Variants in LRP4 observed in about 807,000 individuals in gnomAD.
The protein encoded by LRP4 is LDL receptor related protein 4.
In LRP4, 95 loss-of-function variants were observed where a neutral mutation model predicts 220.3. The ratio of observed to expected loss-of-function variants is 0.43; its 90% CI spans 0.37 to 0.51. The LOEUF (loss-of-function observed/expected upper bound fraction) is 0.51, where lower values mean the gene tolerates loss of function less well. Ranked by LOEUF, LRP4 falls within the 20% of genes least tolerant of loss-of-function variation. The probability of loss-of-function intolerance (pLI) is 0.00; values close to 1 mark genes in which losing one functional copy is unlikely to be tolerated. For missense variants in LRP4, 1,925 were observed against 2,567.0 expected, an observed-to-expected ratio of 0.75 and a Z score of 5.40; for synonymous variants, 903 against 954.6, an observed-to-expected ratio of 0.95 and a Z score of 1.00.
chr11:46,886,189 G>C lies in LRP4; in HGVS notation c.2425-17C>G. The stretch of plus-strand genomic sequence containing the variant: ...CACTACCACCTGGGCAGGAAGCAAA[G>C]CTGTATCACCAACTGTACTTCCACT... On this transcript the variant is annotated splice_polypyrimidine_tract_variant and intron_variant, in intron 17 of 37. Transcript: ENST00000378623. 1 of 1,611,308 alleles carries C rather than the reference G, an allele frequency of 6.2e-7. No individual in the cohort carries two copies. Among genetic ancestry groups the C allele is most frequent in the Non-Finnish European group, 8.5e-7 (1 of 1,177,520 alleles).
At chr11:46,909,199 A>G (rs1941812034) in intron 1 of LRP4, among the ~76,000 whole-genome samples, 1 of 152,110 alleles carries the variant, frequency 6.6e-6, no homozygotes, top group South Asian at 2.1e-4. Context: ...ACTCACAGCT[A>G]CAGACCAGCT....
chr11:46,896,130 G>A (rs373621982), intron 9 of LRP4, 80 bp downstream of exon 9: 2 of 1,610,438 alleles, frequency 1.2e-6, no homozygotes, highest in South Asian at 2.2e-5. Flanking sequence ...CAAGAGTCCT[G>A]AGGGAGGATT....
intron 7 of LRP4, 36 bp downstream of exon 7, chr11:46,898,522 A>G (rs780540025): frequency 3.1e-6 from 5 of 1,613,446 alleles, no homozygotes; most frequent in Non-Finnish European, 4.2e-6. Flanking sequence ...CCTTCTCCTT[A>G]GTTCAAGCCC....
intron 19 of LRP4, 126 bp from the exon 20 acceptor site, chr11:46,882,029 T>C (rs578185698): frequency 1.2e-6 from 1 of 852,506 alleles, no homozygotes; most frequent in African/African-American, 1.7e-5. Context: ...CCTGCATCAG[T>C]GTCCAGCCCA....
chr11:46,882,466 ACT>A (rs1365042985), intron 19 of LRP4, among the ~76,000 whole-genome samples: 4 of 150,770 alleles, frequency 2.7e-5, no homozygotes, highest in Non-Finnish European at 5.9e-5. Flanking sequence ...AACAAGTGAG[ACT>A]CTGTTTCAAA....
In LRP4 at chr11:46,877,296, G is replaced by A. The variant is rs1592525374; in HGVS notation, c.3180C>T (p.Arg1060=). 1.9e-6 allele frequency: 3 copies of A among 1,613,974 alleles called. No individual in the cohort carries two copies. Among genetic ancestry groups the A allele is most frequent in the Non-Finnish European group, 2.5e-6 (3 of 1,179,974 alleles). Residue 1060 remains arginine (R), a synonymous_variant, in exon 23 of 38, where the codon CGC becomes CGT. Coordinates refer to ENST00000378623, the MANE Select transcript of LRP4 (RefSeq NM_002334.4). The part of the protein sequence containing the change: ...FLIFARRIDI[R]MVSLDIPYFA... Reference sequence around the variant, plus strand: ...AATAAGGGATGTCCAGGGAGACCATGCGAATGTCTATCCTCCTGGCGAAGA... The same window carrying A: ...AATAAGGGATGTCCAGGGAGACCATACGAATGTCTATCCTCCTGGCGAAGA...
At chr11:46,903,374 G>T (rs1941704378) in intron 1 of LRP4, among the ~76,000 whole-genome samples, 1 of 152,134 alleles carries the variant, frequency 6.6e-6, no homozygotes, top group African/African-American at 2.4e-5. Context: ...TGTGCCTGTA[G>T]TCCCAGCTAC....
Position 46,918,233 on chromosome 11 carries a change from G to A in LRP4, c.52+95C>T. ...GCCACGGCTAGGAGCGAGGGCGAGG[G>A]GTCTCAGGCCCCGGCCCGCGCCGTC... On this transcript the variant is annotated intron_variant, in intron 1 of 37. Transcript: ENST00000378623. The surrounding 1 kb of genome is among the most constrained non-coding windows in gnomAD (Gnocchi z 6.0). 7.6e-7 allele frequency: 1 copy of A among 1,309,678 alleles called. No individual in the cohort carries two copies. Among genetic ancestry groups the A allele is most frequent in the Admixed American group, 2.1e-5 (1 of 47,630 alleles). 81.1% of individuals were successfully genotyped at this position (1,309,678 alleles called of 1,614,324 possible).
rs373523952 is a variant in LRP4, at chr11:46,894,749, G to A, written c.1380C>T (p.Tyr460=). ...TCTCCAGGTTGTTAAGCAGCAGTGT[G>A]TACTCAGAGCGGTGTGGCAGCACCT... is the stretch of plus-strand genomic sequence containing the variant. The part of the protein sequence containing the change: ...IRQVLPHRSE[Y]TLLLNNLENA... Residue 460 remains tyrosine (Y), a synonymous_variant, in exon 12 of 38, where the codon TAC becomes TAT. Transcript: ENST00000378623. 36 of 1,614,126 alleles carry A rather than the reference G, an allele frequency of 2.2e-5. No homozygotes were observed. The highest frequency in any genetic ancestry group is 2.9e-5 in the Non-Finnish European group (34 of 1,180,050).
intron 37 of LRP4, among the ~76,000 whole-genome samples, chr11:46,862,337 A>C (rs1167634600): frequency 6.6e-6 from 1 of 152,086 alleles, no homozygotes; most frequent in African/African-American, 2.4e-5. Flanking sequence ...TTGGAAAAAT[A>C]TCTCATGGCA....
In LRP4 at chr11:46,861,592, CACAGCTCACT is replaced by C. The variant is rs1940552553; in HGVS notation, c.5385+1004_5385+1013del. Among the ~76,000 whole-genome samples the C allele has an allele frequency of 4.7e-5, 6 of 126,936 alleles. No individual in the cohort carries two copies. The South Asian group carries it at 1.6e-3, about 34-fold the overall frequency. 83.3% of individuals were successfully genotyped at this position (126,936 alleles called of 152,430 possible). A position where few individuals can be genotyped will look rare whatever the true frequency, so the allele number is the denominator to read the frequency against. ...CCAGGCTGGAGGGTAGTGGCATGATCACAGCTCACTGCAGCCTCCAACTCCTGAGCTCAAG... is the reference window on the plus strand; with the variant it reads ...CCAGGCTGGAGGGTAGTGGCATGATCGCAGCCTCCAACTCCTGAGCTCAAG... On this transcript the variant is annotated intron_variant, in intron 37 of 37. Coordinates refer to ENST00000378623, the MANE Select transcript of LRP4 (RefSeq NM_002334.4).
intron 31 of LRP4, 55 bp downstream of exon 31, chr11:46,871,470 C>T: frequency 1.6e-6 from 2 of 1,228,860 alleles, no homozygotes; most frequent in African/African-American, 2.9e-5. Context: ...GACTTAGAAC[C>T]CCAAAGAAAC....
rs771377480 is a variant in LRP4, at chr11:46,899,953, C to T, written c.340G>A (p.Glu114Lys). The T allele has an allele frequency of 2.5e-6, 4 of 1,613,656 alleles. No individual in the cohort carries two copies. The highest frequency in any genetic ancestry group is 1.3e-5 in the African/African-American group (1 of 74,936). ...CAGTAGCCATTCTGGCAGGGAAACT[C>T]GTCCTCCTCACACTCCCGGGGGGCT... ...DCPPRECEEDEFPCQNGYCIR... is the reference protein window; with the variant it reads ...DCPPRECEEDKFPCQNGYCIR... The change falls in exon 4 of 38, where the codon GAG (glutamate) becomes AAG (lysine). Residue 114 changes from glutamate to lysine, a missense_variant. This residue lies in a region of LRP4 where 412 missense variants were observed against 505.4 expected (regional missense o/e 0.82). Transcript: ENST00000378623. This position sits in a 1 kb window ranked among gnomAD's most constrained non-coding sequence, Gnocchi z 5.9.
rs563729519 is a variant in LRP4 at position 46,883,785 on chromosome 11, CA to C, written c.2612+85del. The C allele has an allele frequency of 1.6e-4, 172 of 1,043,488 alleles. No homozygotes were observed. In the African/African-American group the frequency reaches 2.5e-3, roughly 15 times the overall value. The allele number at this position is 1,043,488 out of a possible 1,614,324, so 64.6% of individuals were successfully genotyped here. The stretch of plus-strand genomic sequence containing the variant: ...CTTGGGCATATCCATAAGATCTGGT[CA>C]CTCTTCCTAATCTTTAGACTCCTCT... On this transcript the variant is annotated intron_variant, in intron 19 of 37. Transcript: ENST00000378623.
rs1017046626 is a variant in LRP4, at chr11:46,876,549, G to T, written c.3453C>A (p.Gly1151=). 1.9e-6 allele frequency: 3 copies of T among 1,614,084 alleles called. No individual in the cohort carries two copies. Among genetic ancestry groups the T allele is most frequent in the Non-Finnish European group, 2.5e-6 (3 of 1,180,054 alleles). The change falls in exon 25 of 38, where the codon GGC becomes GGA. Residue 1151 remains glycine (G), a synonymous_variant. Transcript: ENST00000378623. ...CTTTCCGCATGGACCCGTCCAGGTTGCCCACTTCAATCCGGTTTGTTCCCG... is the reference window on the plus strand; with the variant it reads ...CTTTCCGCATGGACCCGTCCAGGTTTCCCACTTCAATCCGGTTTGTTCCCG... The part of the protein sequence containing the change: ...TDTGTNRIEV[G]NLDGSMRKVL...
In LRP4 at chr11:46,894,619, C is replaced by T. The variant is rs760105990; in HGVS notation, c.1510G>A (p.Glu504Lys). 27 of 1,612,124 alleles carry T rather than the reference C, an allele frequency of 1.7e-5. No homozygotes were observed. The highest frequency in any genetic ancestry group is 1.6e-5 in the Non-Finnish European group (19 of 1,179,092). Residue 504 changes from glutamate to lysine, a missense_variant, in exon 12 of 38, where the codon GAG (glutamate) becomes AAG (lysine). Around this residue, in one of 3 missense-constraint regions of LRP4, gnomAD observed 269 missense variants for 436.7 expected, o/e 0.62. Transcript: ENST00000378623. ...CTCTCCAGCCCAGTAGACACAACCT[C>T]CTCCACGTTGCTGCCGTTGAGGTTG... ...RANLNGSNVEEVVSTGLESPG... is the reference protein window; with the variant it reads ...RANLNGSNVEKVVSTGLESPG...
rs920706978 is a variant in LRP4, at chr11:46,872,648, G to A, written c.4583+452C>T. ...AGTCCCTGCTACTTGAGAGGCTGAG[G>A]TAAGAAGATGGCTTGAGCCAGGGAG... is the stretch of plus-strand genomic sequence containing the variant. On this transcript the variant is annotated intron_variant, in intron 30 of 37. Coordinates refer to ENST00000378623, the MANE Select transcript of LRP4 (RefSeq NM_002334.4). Among the ~76,000 whole-genome samples, 16 of 152,226 alleles carry A rather than the reference G, an allele frequency of 1.1e-4. 1 individual carries two copies. Among genetic ancestry groups the A allele is most frequent in the Admixed American group, 8.5e-4 (13 of 15,290 alleles).
At chr11:46,864,960 CTG>C (rs1352536467) in intron 35 of LRP4, among the ~76,000 whole-genome samples, 157 bp downstream of exon 35, 1 of 152,188 alleles carries the variant, frequency 6.6e-6, no homozygotes, top group African/African-American at 2.4e-5. Flanking sequence ...TAAGCTGTCA[CTG>C]TAAGTGGTGA....
chr11:46,894,837 C>T lies in LRP4; in HGVS notation c.1310-18G>A. ...CTCTGGCCCTGGGAAACAGTATAAA[C>T]ATGGGATACCCACTGGGTTTCAGAG... On this transcript the variant is annotated intron_variant, in intron 11 of 37. Transcript: ENST00000378623. 6.2e-7 allele frequency: 1 copy of T among 1,607,734 alleles called. No individual in the cohort carries two copies. Among genetic ancestry groups the T allele is most frequent in the Non-Finnish European group, 8.5e-7 (1 of 1,174,142 alleles).
Sources: gnomAD v4.1 joint callset for allele counts (sites outside exome capture counted in the v4.1 genomes callset) on GRCh38, gnomAD v4.1.1 for gene constraint, gnomAD v4.1.1 regional missense constraint, Gnocchi (gnomAD v3.1) non-coding constraint, MANE v1.5 for transcripts, NCBI Gene and HGNC (gene_info 2026-07-23, HGNC 2026-07-21) for gene names.